Variants in OIP5 observed in about 807,000 individuals in gnomAD.
OIP5 encodes Opa interacting protein 5, also known as protein Mis18-beta.
OIP5 carries 24 observed loss-of-function variants against 20.3 expected under a neutral mutation model. The observed-to-expected ratio is 1.18, with a 90% CI of 0.86 to 1.66. OIP5 has a LOEUF of 1.66. Among genes scored for constraint, OIP5 ranks in the 40% most tolerant of loss-of-function variants. OIP5 has a pLI of 0.00. For synonymous variants in OIP5, 143 were observed against 121.3 expected, an observed-to-expected ratio of 1.18 and a Z score of -1.17; for missense variants, 339 against 289.5, an observed-to-expected ratio of 1.17 and a Z score of -1.24.
At chr15:41,329,232 G>A (rs1027531985) in intron 2 of OIP5, among the ~76,000 whole-genome samples, 3 of 151,228 alleles carry the variant, frequency 2.0e-5, no homozygotes, top group African/African-American at 7.3e-5. Context: ...CTTGAGCTGT[G>A]CCATTTCATA....
chr15:41,313,982 A>G (rs897620190), intron 3 of OIP5, among the ~76,000 whole-genome samples: 1 of 152,228 alleles, frequency 6.6e-6, no homozygotes, highest in Admixed American at 6.5e-5. Context: ...AACCAGGCTC[A>G]TATGAATAAT....
chr15:41,315,990 T>C (rs1201302243), intron 3 of OIP5, among the ~76,000 whole-genome samples: 1 of 151,928 alleles, frequency 6.6e-6, no homozygotes, highest in Admixed American at 6.6e-5. Context: ...TAGCCAGACA[T>C]GGTGGCGGGC....
At chr15:41,310,915 A>T (rs1368863432) in intron 4 of OIP5, among the ~76,000 whole-genome samples, 1 of 152,234 alleles carries the variant, frequency 6.6e-6, no homozygotes, top group Non-Finnish European at 1.5e-5. Flanking sequence ...AATTTTTAAG[A>T]GTTCTTACAG....
chr15:41,309,945 G>C, intron 4 of OIP5, 96 bp from the exon 5 acceptor site: 1 of 751,358 alleles, frequency 1.3e-6, no homozygotes, highest in South Asian at 1.8e-5. Context: ...CTGGAGTACA[G>C]TGGCACATTC....
intron 2 of OIP5, among the ~76,000 whole-genome samples, chr15:41,322,371 T>G (rs761602608): frequency 1.5e-4 from 23 of 152,176 alleles, no homozygotes; most frequent in Non-Finnish European, 2.6e-4. Context: ...AAAGGAAAAA[T>G]AAATTGTATT....
At chr15:41,325,844 C>T (rs1256335363) in intron 2 of OIP5, among the ~76,000 whole-genome samples, 4 of 118,996 alleles carry the variant, frequency 3.4e-5, no homozygotes, top group Non-Finnish European at 5.0e-5. Flanking sequence ...AGCAAGACTC[C>T]GTCTCAAAAA....
chr15:41,329,078 A>T (rs2047880626), intron 2 of OIP5, among the ~76,000 whole-genome samples: 1 of 150,392 alleles, frequency 6.6e-6, no homozygotes, highest in Admixed American at 6.6e-5. Flanking sequence ...AAAAAAAAAA[A>T]AAAAAAAAAA....
At chr15:41,323,467 C>T (rs975945921) in intron 2 of OIP5, among the ~76,000 whole-genome samples, 2 of 152,018 alleles carry the variant, frequency 1.3e-5, no homozygotes, top group African/African-American at 4.8e-5. Context: ...CTGCAATAGC[C>T]CCTAACAAGA....
chr15:41,310,339 A>G (rs2047746425), intron 4 of OIP5, among the ~76,000 whole-genome samples: 1 of 152,208 alleles, frequency 6.6e-6, no homozygotes, highest in African/African-American at 2.4e-5. Context: ...TAAGATCTTC[A>G]GATGTGGCCA....
Position 41,319,646 on chromosome 15 carries a change from A to T in OIP5, c.512+12T>A, listed in dbSNP as rs1374929125. On this transcript the variant is annotated intron_variant, in intron 3 of 4. Transcript: ENST00000220514. ...AAAATGTATTTGATGATCAATATCTAAGTCTACTCACCACACCATTTTGTC... is the reference window on the plus strand; with the variant it reads ...AAAATGTATTTGATGATCAATATCTTAGTCTACTCACCACACCATTTTGTC... 1 of 1,597,404 alleles carries T rather than the reference A, an allele frequency of 6.3e-7. No individual in the cohort carries two copies.
chr15:41,319,409 C>A (rs185929927), intron 3 of OIP5, among the ~76,000 whole-genome samples: 2 of 152,172 alleles, frequency 1.3e-5, no homozygotes, highest in Admixed American at 1.3e-4. Context: ...GCGTCTACCA[C>A]TACACCTGGC....
At chr15:41,324,954 G>A (rs909317131) in intron 2 of OIP5, among the ~76,000 whole-genome samples, 1 of 152,144 alleles carries the variant, frequency 6.6e-6, no homozygotes, top group African/African-American at 2.4e-5. Context: ...GAGAAGGCAA[G>A]ACTGAATGGC....
chr15:41,310,104 C>T lies in OIP5; in HGVS notation c.595-255G>A, dbSNP rs556963181. ...GCCCAGGCTGGTGTTGAACTCCTGG[C>T]AGTCAGTGATCCTCCCAAAGTGCTG... On this transcript the variant is annotated intron_variant, in intron 4 of 4. Coordinates refer to ENST00000220514, the MANE Select transcript of OIP5 (RefSeq NM_007280.2). Among the ~76,000 whole-genome samples, 4 of 152,234 alleles carry T rather than the reference C, an allele frequency of 2.6e-5. No homozygotes were observed. The East Asian group carries it at 7.7e-4, about 29-fold the overall frequency.
chr15:41,316,507 C>T (rs1279122871), intron 3 of OIP5, among the ~76,000 whole-genome samples: 7 of 151,612 alleles, frequency 4.6e-5, no homozygotes, highest in Non-Finnish European at 1.0e-4. Flanking sequence ...TGAGAAAAAG[C>T]GGCCGGGCGC....
intron 3 of OIP5, among the ~76,000 whole-genome samples, chr15:41,318,297 G>A (rs2047801023): frequency 1.3e-5 from 2 of 152,102 alleles, no homozygotes; most frequent in African/African-American, 2.4e-5. Flanking sequence ...GAGTAGCTGC[G>A]ACCACAGGCG....
In OIP5 at chr15:41,312,164, C is replaced by CT. The variant is rs1180916308; in HGVS notation, c.594+1108dup. Among the ~76,000 whole-genome samples, 325 of 88,118 alleles carry CT rather than the reference C, an allele frequency of 3.7e-3. 16 individuals are homozygous for CT. The highest frequency in any genetic ancestry group is 4.1e-3 in the Non-Finnish European group (140 of 33,756). 57.8% of individuals were successfully genotyped at this position (88,118 alleles called of 152,430 possible). ...CCACCATGCCCAGCCTTCTTTTTTT[C>CT]TTTTTTTTTTTTTTGAGACAGATTT... On this transcript the variant is annotated intron_variant, in intron 4 of 4. Transcript: ENST00000220514.
chr15:41,322,452 G>A (rs375788924), intron 2 of OIP5, among the ~76,000 whole-genome samples: 9 of 152,064 alleles, frequency 5.9e-5, no homozygotes, highest in African/African-American at 2.2e-4. Context: ...AGGTTAGAAC[G>A]TAGTGATACA....
At chr15:41,326,908 A>G (rs1442270181) in intron 2 of OIP5, among the ~76,000 whole-genome samples, 3 of 152,106 alleles carry the variant, frequency 2.0e-5, no homozygotes, top group African/African-American at 7.2e-5. Context: ...CCAATACACT[A>G]CCAAATACAA....
intron 2 of OIP5, among the ~76,000 whole-genome samples, chr15:41,324,499 T>C (rs1252243972): frequency 6.6e-6 from 1 of 152,172 alleles, no homozygotes; most frequent in Non-Finnish European, 1.5e-5. Flanking sequence ...ATTTATTTGT[T>C]TGTTTGTTTG....
Sources: allele counts gnomAD v4.1 joint callset (sites outside exome capture counted in the v4.1 genomes callset), GRCh38; gene constraint gnomAD v4.1.1; transcripts MANE v1.5; gene names NCBI Gene and HGNC (gene_info 2026-07-23, HGNC 2026-07-21).